Variants in NLRC5 observed in about 807,000 individuals in gnomAD.
NLRC5 encodes NLR family CARD domain containing 5.
Under a neutral mutation model 206.9 loss-of-function variants are expected in NLRC5, and 114 were observed. That is an observed-to-expected ratio of 0.55 (90% CI 0.47 to 0.64). NLRC5 has a LOEUF of 0.64. Ranked by LOEUF, NLRC5 falls within the 30% of genes least tolerant of loss-of-function variation. The pLI, the probability that NLRC5 is intolerant of heterozygous loss-of-function variation, is 0.00. For synonymous variants in NLRC5, 952 were observed against 962.8 expected (o/e 0.99, Z 0.21); for missense variants, 2,008 against 2,305.5 (o/e 0.87, Z 2.64).
chr16:57,037,825 T>C (rs2062796786), intron 15 of NLRC5, among the ~76,000 whole-genome samples: 1 of 152,164 alleles, frequency 6.6e-6, no homozygotes, highest in African/African-American at 2.4e-5. Context: ...GGACAGATGA[T>C]GATTAATGTC....
Position 57,017,079 on chromosome 16 carries a change from T to C in NLRC5, c.-122T>C, listed in dbSNP as rs2060176987. ...CCTGTCTTCTCTCCCCTTAGGAGTC[T>C]GCACTATGGAAACAACCTGTCAATC... On this transcript the variant is annotated 5_prime_UTR_variant, in exon 2 of 49. Transcript: ENST00000688547. 2.0e-5 allele frequency: 3 copies of C among 152,786 alleles called. No individual in the cohort carries two copies. The highest frequency in any genetic ancestry group is 7.2e-5 in the African/African-American group (3 of 41,442). The allele number at this position is 152,786 out of a possible 1,614,324, so 9.5% of individuals were successfully genotyped here.
At chr16:57,077,014 C>A in intron 40 of NLRC5, 112 bp downstream of exon 40, 1 of 922,134 alleles carries the variant, frequency 1.1e-6, no homozygotes. Flanking sequence ...CTCCTTCACC[C>A]ACTTCTACAC....
At chr16:57,035,948 G>C (rs897038425) in intron 13 of NLRC5, 152 bp from the exon 14 acceptor site, 16 of 683,162 alleles carry the variant, frequency 2.3e-5, no homozygotes, top group South Asian at 2.2e-4. Context: ...ATGTTGCCAG[G>C]CATGTGGTAT....
intron 26 of NLRC5, 81 bp downstream of exon 26, chr16:57,055,175 A>G (rs2065456217): frequency 1.4e-6 from 2 of 1,415,696 alleles, no homozygotes; most frequent in Admixed American, 1.7e-5. Flanking sequence ...CCAGAGCAGT[A>G]TGCAGACTGC....
At chr16:56,990,213 C>T (rs1373637149) in intron 1 of NLRC5, among the ~76,000 whole-genome samples, 1 of 152,114 alleles carries the variant, frequency 6.6e-6, no homozygotes, top group African/African-American at 2.4e-5. Context: ...ACCCCAAGGC[C>T]ACCTAGGTAG....
rs374530364 is a variant in NLRC5, at chr16:57,082,779, A to C, written c.*251A>C. 3 of 398,944 alleles carry C rather than the reference A, an allele frequency of 7.5e-6. No individual in the cohort carries two copies. The highest frequency in any genetic ancestry group is 6.1e-5 in the African/African-American group (3 of 49,080). 24.7% of individuals were successfully genotyped at this position (398,944 alleles called of 1,614,324 possible). ...GTGATCAATTGGGGACATGCGACAC[A>C]CAATGAGGGTGTCATGACAATGCAT... is the stretch of plus-strand genomic sequence containing the variant. On this transcript the variant is annotated 3_prime_UTR_variant, in exon 49 of 49. Coordinates refer to ENST00000688547, the MANE Select transcript of NLRC5 (RefSeq NM_001384950.1).
chr16:56,995,503 G>A (rs992390867), intron 1 of NLRC5, among the ~76,000 whole-genome samples: 1 of 152,152 alleles, frequency 6.6e-6, no homozygotes, highest in Non-Finnish European at 1.5e-5. Context: ...GTTTGAAACC[G>A]TGTTGTCAAA....
At chr16:57,037,314 TCC>T (rs56113643) in intron 15 of NLRC5, 30 bp downstream of exon 15, 163,912 of 1,521,110 alleles carry the variant, frequency 0.11, 9,759 homozygotes, top group African/African-American at 0.21. Flanking sequence ...ACGGTACCCA[TCC>T]CCCCCCCCAT....
In NLRC5 at chr16:57,032,170, A is replaced by G. The variant is rs147198700; in HGVS notation, c.2477+707A>G. On this transcript the variant is annotated intron_variant, in intron 11 of 48. Transcript: ENST00000688547. ...CATGCCTGTAATCCTAGCACTTTGGAACGCCAAGCACGAGAATCTCTTGAT... is the reference window on the plus strand; with the variant it reads ...CATGCCTGTAATCCTAGCACTTTGGGACGCCAAGCACGAGAATCTCTTGAT... Among the ~76,000 whole-genome samples, 688 of 151,998 alleles carry G rather than the reference A, an allele frequency of 4.5e-3. 5 individuals are homozygous for G. Among genetic ancestry groups the G allele is most frequent in the African/African-American group, 0.015 (642 of 41,454 alleles).
At chr16:57,047,336 G>A (rs2144018101) in intron 22 of NLRC5, among the ~76,000 whole-genome samples, 1 of 152,204 alleles carries the variant, frequency 6.6e-6, no homozygotes, top group South Asian at 2.1e-4. Flanking sequence ...GGGCAGCTGG[G>A]AACTCAGGGT....
In NLRC5 at chr16:57,033,650, A is replaced by G. The variant is rs780848096; in HGVS notation, c.2524A>G (p.Ser842Gly). ...ESDGQRKGAQ[S>G]RSLTLRLQKC... ...TGACGGCCAGAGGAAAGGGGCTCAG[A>G]GCAGAAGCTTGACGCTCAGGTACCT... is the stretch of plus-strand genomic sequence containing the variant. The change falls in exon 12 of 49, where the codon AGC becomes GGC. Residue 842 changes from serine (S) to glycine (G), a missense_variant. Transcript: ENST00000688547. 6.2e-7 allele frequency: 1 copy of G among 1,614,058 alleles called. No individual in the cohort carries two copies. The highest frequency in any genetic ancestry group is 8.5e-7 in the Non-Finnish European group (1 of 1,179,950).
chr16:57,043,875 C>T (rs1350232399), intron 20 of NLRC5: 3 of 497,404 alleles, frequency 6.0e-6, no homozygotes, highest in Non-Finnish European at 1.1e-5. Flanking sequence ...TTTGGATAGT[C>T]CTTAGAGATT....
rs549166556 is a variant in NLRC5 at position 57,028,005 on chromosome 16, G to C, written c.2076-67G>C. 43 of 1,047,642 alleles carry C rather than the reference G, an allele frequency of 4.1e-5. 1 individual carries two copies. The South Asian group carries it at 5.8e-4, about 14-fold the overall frequency. 64.9% of individuals were successfully genotyped at this position (1,047,642 alleles called of 1,614,324 possible). A position where few individuals can be genotyped will look rare whatever the true frequency, so the allele number is the denominator to read the frequency against. On this transcript the variant is annotated intron_variant, in intron 6 of 48. Transcript: ENST00000688547. ...TGTATTAAGCCCCATCTCTCTGAGG[G>C]GATGGCGATGACTTCTCAGCTCTGC...
intron 1 of NLRC5, chr16:56,991,841 T>C (rs374472768): frequency 1.3e-5 from 2 of 152,136 alleles, no homozygotes; most frequent in Non-Finnish European, 2.9e-5. Context: ...ATGAGTTCAA[T>C]TGTGCCTCCC....
intron 30 of NLRC5, among the ~76,000 whole-genome samples, chr16:57,060,053 T>TATC (rs1555534744): frequency 7.0e-6 from 1 of 143,664 alleles, no homozygotes; most frequent in Non-Finnish European, 1.5e-5. Flanking sequence ...TTATTATTAT[T>TATC]ATTATCATTA....
chr16:57,072,274 T>C (rs770599512), intron 38 of NLRC5, among the ~76,000 whole-genome samples: 4 of 152,200 alleles, frequency 2.6e-5, no homozygotes, highest in African/African-American at 9.7e-5. Flanking sequence ...ATTCTCTCTG[T>C]GGTTACAACA....
chr16:57,014,850 C>T (rs145492506), intron 1 of NLRC5, among the ~76,000 whole-genome samples: 5 of 152,088 alleles, frequency 3.3e-5, no homozygotes, highest in Admixed American at 1.3e-4. Flanking sequence ...GGTTTGCAGA[C>T]GGCACCTTCT....
At chr16:57,006,912 T>TATC (rs1469884851) in intron 1 of NLRC5, among the ~76,000 whole-genome samples, 2 of 149,188 alleles carry the variant, frequency 1.3e-5, no homozygotes, top group African/African-American at 2.4e-5. Flanking sequence ...TTATTATTAT[T>TATC]ATTATTTCAC....
At chr16:57,011,759 A>G (rs1332618229) in intron 1 of NLRC5, among the ~76,000 whole-genome samples, 1 of 151,814 alleles carries the variant, frequency 6.6e-6, no homozygotes, top group Non-Finnish European at 1.5e-5. Flanking sequence ...GACTACCATC[A>G]TAGATGGTAC....
Sources: gnomAD v4.1 joint callset for allele counts (sites outside exome capture counted in the v4.1 genomes callset) on GRCh38, gnomAD v4.1.1 for gene constraint, MANE v1.5 for transcripts, NCBI Gene and HGNC (gene_info 2026-07-23, HGNC 2026-07-21) for gene names.